The following RAPGEF2 variants were observed in gnomAD, a reference collection of about 807,000 sequenced individuals.
RAPGEF2 encodes PDZ domain containing guanine nucleotide exchange factor (GEF) 1.
A neutral mutation model predicts 186.7 loss-of-function variants in RAPGEF2; 54 were observed. The ratio of observed to expected loss-of-function variants is 0.29; its 90% CI spans 0.23 to 0.36. The LOEUF is 0.36. Ranked by LOEUF, RAPGEF2 falls within the 10% of genes least tolerant of loss-of-function variation. RAPGEF2 has a pLI of 1.00. For synonymous variants in RAPGEF2, 712 were observed against 705.9 expected (o/e 1.01, Z -0.14); for missense variants, 1,532 against 2,045.0 (o/e 0.75, Z 4.84).
At chr4:159,323,374 A>C (rs1460101464) in intron 10 of RAPGEF2, 85 bp from the exon 11 acceptor site, 15 of 1,113,048 alleles carry the variant, frequency 1.3e-5, no homozygotes, top group African/African-American at 4.8e-5. Context: ...AAGATCTGCT[A>C]ATTCATTTTT....
chr4:159,304,326 C>A lies in RAPGEF2; in HGVS notation c.544-16C>A. The A allele has an allele frequency of 6.3e-7, 1 of 1,582,852 alleles. No homozygotes were observed. Among genetic ancestry groups the A allele is most frequent in the South Asian group, 1.2e-5 (1 of 86,690 alleles). ...GATTCAGATTGTAATCCTAGTTTTTCCTGCTCCTTCCATAGCTTCCTGCAG... is the reference window on the plus strand; with the variant it reads ...GATTCAGATTGTAATCCTAGTTTTTACTGCTCCTTCCATAGCTTCCTGCAG... On this transcript the variant is annotated splice_polypyrimidine_tract_variant and intron_variant, in intron 7 of 29. Coordinates refer to ENST00000691494, the MANE Select transcript of RAPGEF2 (RefSeq NM_001394067.2).
intron 4 of RAPGEF2, among the ~76,000 whole-genome samples, chr4:159,214,292 T>C (rs944995580): frequency 1.3e-5 from 2 of 152,234 alleles, no homozygotes; most frequent in African/African-American, 4.8e-5. Flanking sequence ...GTAGGTTGAT[T>C]TATTAAAATA....
Position 159,343,022 on chromosome 4 carries a change from G to C in RAPGEF2, c.2962G>C (p.Glu988Gln). ...AGTGGCAAGACTGCGAACGACCTGG[G>C]AGAAACTTCCCAATAAATACGAAAA... is the stretch of plus-strand genomic sequence containing the variant. ...APVARLRTTW[E>Q]KLPNKYEKLF... The change falls in exon 21 of 30, where the codon GAG (glutamate) becomes CAG (glutamine). Residue 988 changes from glutamate (E) to glutamine (Q), a missense_variant. Physicochemically the swap from Glu to Gln is conservative, Grantham distance 29. Around this residue, in one of 4 missense-constraint regions of RAPGEF2, gnomAD observed 810 missense variants for 1,210.5 expected, o/e 0.67. Coordinates refer to ENST00000691494, the MANE Select transcript of RAPGEF2 (RefSeq NM_001394067.2). 6.2e-7 allele frequency: 1 copy of C among 1,614,032 alleles called. No homozygotes were observed. The highest frequency in any genetic ancestry group is 8.5e-7 in the Non-Finnish European group (1 of 1,179,960).
chr4:159,182,596 A>G lies in RAPGEF2; in HGVS notation c.70-4046A>G, dbSNP rs1747138453. 3.9e-5 allele frequency among the ~76,000 whole-genome samples: 6 copies of G among 152,098 alleles called. No homozygotes were observed. The South Asian group carries it at 1.2e-3, about 32-fold the overall frequency. On this transcript the variant is annotated intron_variant, in intron 1 of 29. Transcript: ENST00000691494. Reference sequence around the variant, plus strand: ...TTTTCAGCAGAGATGGGGTTTCACCATCTTGGCCAGGCTGGTCTCGAACTC... The same window carrying G: ...TTTTCAGCAGAGATGGGGTTTCACCGTCTTGGCCAGGCTGGTCTCGAACTC...
chr4:159,223,252 A>G (rs1032759951), intron 4 of RAPGEF2, among the ~76,000 whole-genome samples: 6 of 152,134 alleles, frequency 3.9e-5, no homozygotes, highest in Admixed American at 1.3e-4. Flanking sequence ...TAAATAGAAA[A>G]TAGAATTTCT....
At chr4:159,237,272 C>T (rs977965011) in intron 4 of RAPGEF2, among the ~76,000 whole-genome samples, 9 of 152,152 alleles carry the variant, frequency 5.9e-5, no homozygotes, top group Non-Finnish European at 1.3e-4. Context: ...CAGCCCTCCT[C>T]AGGCTTCCAA....
At chr4:159,216,099 G>C (rs531502758) in intron 4 of RAPGEF2, among the ~76,000 whole-genome samples, 3 of 152,238 alleles carry the variant, frequency 2.0e-5, no homozygotes, top group African/African-American at 7.2e-5. Flanking sequence ...GCTTATCTAT[G>C]GATTATCCTG....
intron 7 of RAPGEF2, chr4:159,267,635 G>A: frequency 1.6e-6 from 1 of 642,676 alleles, no homozygotes; most frequent in Non-Finnish European, 2.1e-6. Context: ...TCTCTTGGTT[G>A]GAGGGTTCTG....
chr4:159,323,371 G>A (rs1561279618), intron 10 of RAPGEF2, 88 bp from the exon 11 acceptor site: 1 of 1,099,274 alleles, frequency 9.1e-7, no homozygotes, highest in Non-Finnish European at 1.3e-6. Flanking sequence ...TGGAAGATCT[G>A]CTAATTCATT....
At chr4:159,347,657 G>C (rs11100218) in intron 25 of RAPGEF2, among the ~76,000 whole-genome samples, 1 of 152,024 alleles carries the variant, frequency 6.6e-6, no homozygotes, top group Non-Finnish European at 1.5e-5. Context: ...GGTGGCGGGC[G>C]CCTGTAGTCC....
intron 3 of RAPGEF2, among the ~76,000 whole-genome samples, chr4:159,197,543 G>A (rs897667694): frequency 2.0e-5 from 3 of 152,296 alleles, no homozygotes; most frequent in South Asian, 4.1e-4. Context: ...CACTTTGTAA[G>A]GGGTTTCTCT....
chr4:159,245,693 T>C (rs1257198979), intron 7 of RAPGEF2, among the ~76,000 whole-genome samples: 2 of 152,100 alleles, frequency 1.3e-5, no homozygotes, highest in Non-Finnish European at 2.9e-5. Flanking sequence ...TTTTAACTTT[T>C]ACCTTATTGG....
intron 10 of RAPGEF2, among the ~76,000 whole-genome samples, chr4:159,323,172 T>TG (rs945485007): frequency 3.9e-5 from 6 of 152,172 alleles, no homozygotes; most frequent in African/African-American, 1.4e-4. Flanking sequence ...ACATGAGCTT[T>TG]GGGGGGACAG....
intron 1 of RAPGEF2, among the ~76,000 whole-genome samples, chr4:159,175,590 A>G (rs1441075396): frequency 1.3e-5 from 2 of 152,204 alleles, no homozygotes; most frequent in Non-Finnish European, 2.9e-5. Context: ...ATAAAGAGAA[A>G]GGAATCATCA....
chr4:159,159,688 G>T (rs1744498774), intron 1 of RAPGEF2, among the ~76,000 whole-genome samples: 1 of 152,162 alleles, frequency 6.6e-6, no homozygotes, highest in South Asian at 2.1e-4. Flanking sequence ...TTAAATTTTA[G>T]TGACTTTTTC....
chr4:159,133,766 G>A lies in RAPGEF2; in HGVS notation c.69+29535G>A, dbSNP rs572477551. Among the ~76,000 whole-genome samples, 416 of 152,122 alleles carry A rather than the reference G, an allele frequency of 2.7e-3. 2 individuals are homozygous for A. The highest frequency in any genetic ancestry group is 9.5e-3 in the African/African-American group (393 of 41,478). On this transcript the variant is annotated intron_variant, in intron 1 of 29. Coordinates refer to ENST00000691494, the MANE Select transcript of RAPGEF2 (RefSeq NM_001394067.2). ...GCCCAGCTAATTTTTTGTATTTTTA[G>A]TAGAGACGGGGTTTCACCGTGTTAG... is the stretch of plus-strand genomic sequence containing the variant.
intron 1 of RAPGEF2, among the ~76,000 whole-genome samples, chr4:159,109,056 A>G (rs1278411979): frequency 6.6e-6 from 1 of 152,220 alleles, no homozygotes; most frequent in African/African-American, 2.4e-5. Context: ...GCATAAAATT[A>G]TAATGGGATG....
chr4:159,312,442 C>T (rs1423524059), intron 8 of RAPGEF2, among the ~76,000 whole-genome samples: 2 of 152,028 alleles, frequency 1.3e-5, no homozygotes, highest in Non-Finnish European at 2.9e-5. Flanking sequence ...TTTCTCTAAC[C>T]ACAACCTTGG....
intron 9 of RAPGEF2, among the ~76,000 whole-genome samples, chr4:159,315,281 CT>C (rs750584552): frequency 6.0e-5 from 9 of 149,946 alleles, no homozygotes; most frequent in African/African-American, 2.2e-4. Context: ...TTCTGTCTTT[CT>C]TTTGCTGTTT....
Sources: gnomAD v4.1 joint callset for allele counts (sites outside exome capture counted in the v4.1 genomes callset) on GRCh38, gnomAD v4.1.1 for gene constraint, gnomAD v4.1.1 regional missense constraint, MANE v1.5 for transcripts, NCBI Gene and HGNC (gene_info 2026-07-23, HGNC 2026-07-21) for gene names.